The following PPP3CA variants were observed in gnomAD, a reference collection of about 807,000 sequenced individuals.
PPP3CA encodes CAM-PRP catalytic subunit.
PPP3CA carries 14 observed loss-of-function variants against 66.5 expected under a neutral mutation model. The observed-to-expected ratio is 0.21, with a 90% CI of 0.14 to 0.33. PPP3CA has a LOEUF of 0.33. Ranked by LOEUF, PPP3CA falls within the 10% of genes least tolerant of loss-of-function variation. PPP3CA has a pLI of 1.00. For missense variants in PPP3CA, 317 were observed against 639.5 expected (o/e 0.50, Z 5.44); for synonymous variants, 232 against 226.2 (o/e 1.03, Z -0.23).
At chr4:101,130,510 G>A (rs1407318562) in intron 2 of PPP3CA, among the ~76,000 whole-genome samples, 1 of 152,092 alleles carries the variant, frequency 6.6e-6, no homozygotes, top group East Asian at 1.9e-4. Flanking sequence ...AGAATGGTTG[G>A]GTTACCCACA....
intron 1 of PPP3CA, among the ~76,000 whole-genome samples, chr4:101,203,359 G>C (rs913872003): frequency 2.6e-5 from 4 of 152,064 alleles, no homozygotes; most frequent in African/African-American, 9.7e-5. Context: ...GCTGGGTGTG[G>C]TGGCACATGC....
intron 1 of PPP3CA, among the ~76,000 whole-genome samples, chr4:101,275,860 G>GTTT (rs1560693186): frequency 3.7e-5 from 5 of 133,342 alleles, no homozygotes; most frequent in African/African-American, 1.3e-4. Flanking sequence ...GTGTATGTGT[G>GTTT]GTTTTTTTTT....
At chr4:101,209,499 G>T (rs1480767105) in intron 1 of PPP3CA, among the ~76,000 whole-genome samples, 1 of 152,002 alleles carries the variant, frequency 6.6e-6, no homozygotes, top group Non-Finnish European at 1.5e-5. Context: ...GCTCAAGAAA[G>T]AAAAAAGTAT....
intron 1 of PPP3CA, among the ~76,000 whole-genome samples, chr4:101,285,343 T>C (rs575380816): frequency 6.6e-6 from 1 of 152,294 alleles, no homozygotes; most frequent in South Asian, 2.1e-4. Context: ...CCATTAAAGA[T>C]AAATTGCTTA....
intron 2 of PPP3CA, among the ~76,000 whole-genome samples, chr4:101,161,977 C>T (rs1176205264): frequency 1.3e-5 from 2 of 152,214 alleles, no homozygotes; most frequent in Non-Finnish European, 2.9e-5. Flanking sequence ...CGGTGACTCA[C>T]ACCTGTAATC....
chr4:101,143,516 C>T (rs750597599), intron 2 of PPP3CA, among the ~76,000 whole-genome samples: 3 of 152,130 alleles, frequency 2.0e-5, no homozygotes, highest in Non-Finnish European at 4.4e-5. Flanking sequence ...TCACTATAAT[C>T]ATAATGGCCT....
intron 11 of PPP3CA, among the ~76,000 whole-genome samples, chr4:101,033,468 C>G (rs1039923033): frequency 6.6e-6 from 1 of 152,130 alleles, no homozygotes; most frequent in African/African-American, 2.4e-5. Context: ...ATTAGCAGTT[C>G]CATCTTTTAG....
intron 1 of PPP3CA, among the ~76,000 whole-genome samples, chr4:101,321,475 T>C (rs1308983135): frequency 6.6e-6 from 1 of 152,214 alleles, no homozygotes; most frequent in Non-Finnish European, 1.5e-5. Context: ...TTAAAAAATA[T>C]TAGCAGAGAC....
chr4:101,292,157 T>C (rs1032466453), intron 1 of PPP3CA, among the ~76,000 whole-genome samples: 2 of 150,398 alleles, frequency 1.3e-5, no homozygotes, highest in African/African-American at 4.9e-5. Flanking sequence ...ACCTGACTCT[T>C]CCCTAAAAAG....
At chr4:101,081,934 A>G (rs536510895) in intron 7 of PPP3CA, among the ~76,000 whole-genome samples, 1 of 152,354 alleles carries the variant, frequency 6.6e-6, no homozygotes, top group Non-Finnish European at 1.5e-5. Flanking sequence ...TTGACAACAA[A>G]CAAAAACAAA....
intron 2 of PPP3CA, among the ~76,000 whole-genome samples, chr4:101,126,715 T>C (rs535198127): frequency 2.0e-5 from 3 of 152,322 alleles, no homozygotes; most frequent in African/African-American, 7.2e-5. Flanking sequence ...CAATACCTAT[T>C]GGCTACACAA....
intron 1 of PPP3CA, among the ~76,000 whole-genome samples, chr4:101,219,775 C>A (rs1245351809): frequency 6.6e-6 from 1 of 151,670 alleles, no homozygotes; most frequent in African/African-American, 2.4e-5. Flanking sequence ...TGTAACAATG[C>A]AGACTGATTT....
At chr4:101,308,250 G>A (rs1407260612) in intron 1 of PPP3CA, among the ~76,000 whole-genome samples, 3 of 151,994 alleles carry the variant, frequency 2.0e-5, no homozygotes, top group South Asian at 4.2e-4. Context: ...TTATACAATG[G>A]AATTTTAAAA....
chr4:101,071,622 C>T (rs1728922914), intron 8 of PPP3CA, among the ~76,000 whole-genome samples: 1 of 152,114 alleles, frequency 6.6e-6, no homozygotes, highest in Non-Finnish European at 1.5e-5. Context: ...TTGATTGACC[C>T]TTTTCAGCTG....
intron 2 of PPP3CA, among the ~76,000 whole-genome samples, chr4:101,117,648 TAATTACAATATATAATTACAATATAC>T (rs2038823977): frequency 6.6e-6 from 1 of 151,510 alleles, no homozygotes; most frequent in Non-Finnish European, 1.5e-5. Flanking sequence ...TGCCAATATA[TAATTACAATATATAATTACAATATAC>T]AATTACAATA....
intron 11 of PPP3CA, among the ~76,000 whole-genome samples, chr4:101,033,223 TAC>T (rs1212941273): frequency 1.3e-5 from 2 of 152,064 alleles, no homozygotes; most frequent in East Asian, 3.9e-4. Flanking sequence ...ATTGTATATA[TAC>T]ACATATACAC....
At chr4:101,310,283 T>C (rs962787073) in intron 1 of PPP3CA, among the ~76,000 whole-genome samples, 2 of 152,242 alleles carry the variant, frequency 1.3e-5, no homozygotes, top group Non-Finnish European at 2.9e-5. Context: ...TCTATCTTAA[T>C]ATTGATCAAC....
intron 1 of PPP3CA, among the ~76,000 whole-genome samples, chr4:101,269,881 G>C (rs1177032850): frequency 6.6e-6 from 1 of 152,014 alleles, no homozygotes; most frequent in Non-Finnish European, 1.5e-5. Context: ...TCTATAAGCT[G>C]CTCATTGGTT....
At chr4:101,241,809 G>A (rs946767726) in intron 1 of PPP3CA, among the ~76,000 whole-genome samples, 1 of 152,050 alleles carries the variant, frequency 6.6e-6, no homozygotes, top group Non-Finnish European at 1.5e-5. Context: ...TCTGATTCCA[G>A]TGACCATGCT....
Sources: allele counts gnomAD v4.1 joint callset (sites outside exome capture counted in the v4.1 genomes callset), GRCh38; gene constraint gnomAD v4.1.1; transcripts MANE v1.5; gene names NCBI Gene and HGNC (gene_info 2026-07-23, HGNC 2026-07-21).